The following LGI4 variants were observed in gnomAD, a reference collection of about 807,000 sequenced individuals.
The protein encoded by LGI4 is leucine-rich repeat LGI family member 4.
A neutral mutation model predicts 48.3 loss-of-function variants in LGI4; 36 were observed. That is an observed-to-expected ratio of 0.75 (90% CI 0.57 to 0.98). LGI4 has a LOEUF of 0.98. Ranked by LOEUF, LGI4 falls within the 50% of genes least tolerant of loss-of-function variation. LGI4 has a pLI of 0.00. For synonymous variants in LGI4, 355 were observed against 331.6 expected (o/e 1.07, Z -0.77); for missense variants, 701 against 732.1 (o/e 0.96, Z 0.49).
In LGI4 at chr19:35,132,016, G is replaced by A. The variant is rs1187137003; in HGVS notation, c.341C>T (p.Ser114Phe). The A allele has an allele frequency of 2.5e-6, 4 of 1,585,360 alleles. No individual in the cohort carries two copies. Among genetic ancestry groups the A allele is most frequent in the Admixed American group, 1.8e-5 (1 of 55,688 alleles). ...TCCTCTGAGGGCATTCTTAGAGATG[G>A]AGCCAATCTCATTGTCCTCGATGAA... The part of the protein sequence containing the change: ...YLFIEDNEIG[S>F]ISKNALRGLR... The change falls in exon 4 of 9, where the codon TCC (serine) becomes TTC (phenylalanine). Residue 114 changes from serine to phenylalanine, a missense_variant. Physicochemically the swap from Ser to Phe is radical, Grantham distance 155. Coordinates refer to ENST00000310123, the MANE Select transcript of LGI4 (RefSeq NM_139284.3).
intron 5 of LGI4, 103 bp downstream of exon 5, chr19:35,131,686 C>T (rs2145366965): frequency 7.2e-7 from 1 of 1,395,842 alleles, no homozygotes; most frequent in East Asian, 2.5e-5. Flanking sequence ...GTAAGAACCA[C>T]TGCAGCCAAA....
rs138627919 is a variant in LGI4, at chr19:35,128,438, G to A, written c.629-1421C>T. ...TGCTCAAAACTCTCAGCCGAGAGTGGTGGCTCACGCCTGTAATCCCCACAT... is the reference window on the plus strand; with the variant it reads ...TGCTCAAAACTCTCAGCCGAGAGTGATGGCTCACGCCTGTAATCCCCACAT... On this transcript the variant is annotated intron_variant, in intron 6 of 8. Transcript: ENST00000310123. Among the ~76,000 whole-genome samples the A allele has an allele frequency of 1.3e-3, 197 of 152,346 alleles. 3 individuals are homozygous for A. In the South Asian group the frequency reaches 0.032, roughly 25 times the overall value.
rs969803347 is a variant in LGI4, at chr19:35,125,993, G to C, written c.1299+277C>G. 1.0e-4 allele frequency: 58 copies of C among 563,544 alleles called. No individual in the cohort carries two copies. The African/African-American group carries it at 1.1e-3, about 10-fold the overall frequency. The allele number at this position is 563,544 out of a possible 1,614,324, so 34.9% of individuals were successfully genotyped here. A position where few individuals can be genotyped will look rare whatever the true frequency, so the allele number is the denominator to read the frequency against. The stretch of plus-strand genomic sequence containing the variant: ...GCCTTGGGGGCTCAGTGTCAGGGTG[G>C]GGACAGGTGTGGCTGTGGTGAAGTC... On this transcript the variant is annotated intron_variant, in intron 8 of 8. Transcript: ENST00000310123.
Position 35,133,199 on chromosome 19 carries a change from G to A in LGI4, c.314+494C>T, listed in dbSNP as rs1043866612. 3.5e-5 allele frequency: 9 copies of A among 259,834 alleles called. No homozygotes were observed. The South Asian group carries it at 5.8e-4, about 17-fold the overall frequency. The allele number at this position is 259,834 out of a possible 1,614,324, so 16.1% of individuals were successfully genotyped here. A position where few individuals can be genotyped will look rare whatever the true frequency, so the allele number is the denominator to read the frequency against. On this transcript the variant is annotated intron_variant, in intron 3 of 8. Transcript: ENST00000310123. ...CATCACCACTGCCATTATCATCAAC[G>A]CCATGACCCACACCAATGCCAGCAT...
chr19:35,127,334 A>G (rs1049616606), intron 6 of LGI4, among the ~76,000 whole-genome samples: 1 of 152,070 alleles, frequency 6.6e-6, no homozygotes, highest in African/African-American at 2.4e-5. Context: ...GGTGTGTGCT[A>G]CCATGGCTGG....
chr19:35,133,536 C>G, intron 3 of LGI4, 157 bp downstream of exon 3: 2 of 1,462,920 alleles, frequency 1.4e-6, no homozygotes, highest in Non-Finnish European at 1.8e-6. Flanking sequence ...AAAGCATCAT[C>G]ACCATTGGGT....
rs2065120682 is a variant in LGI4 at position 35,125,013 on chromosome 19, C to T, written c.*180G>A. Reference sequence around the variant, plus strand: ...TCGGGAGGTCCAGTAGGCTGGGACCCTCTATGTCCCCCCATGGGTGCAGAT... The same window carrying T: ...TCGGGAGGTCCAGTAGGCTGGGACCTTCTATGTCCCCCCATGGGTGCAGAT... On this transcript the variant is annotated 3_prime_UTR_variant, in exon 9 of 9. Transcript: ENST00000310123. 2.1e-6 allele frequency: 1 copy of T among 481,516 alleles called. No individual in the cohort carries two copies. The highest frequency in any genetic ancestry group is 1.9e-5 in the African/African-American group (1 of 51,490). The allele number at this position is 481,516 out of a possible 1,614,324, so 29.8% of individuals were successfully genotyped here. A position where few individuals can be genotyped will look rare whatever the true frequency, so the allele number is the denominator to read the frequency against.
chr19:35,124,977 T>C lies in LGI4; in HGVS notation c.*216A>G, dbSNP rs1362715944. The C allele has an allele frequency of 2.1e-5, 9 of 420,816 alleles. No individual in the cohort carries two copies. Among genetic ancestry groups the C allele is most frequent in the Non-Finnish European group, 3.8e-5 (9 of 239,174 alleles). 26.1% of individuals were successfully genotyped at this position (420,816 alleles called of 1,614,324 possible). ...AGATGTCCAGATGTTGCTTTAGACCTGAAGGGCAGCTCGGGAGGTCCAGTA... is the reference window on the plus strand; with the variant it reads ...AGATGTCCAGATGTTGCTTTAGACCCGAAGGGCAGCTCGGGAGGTCCAGTA... On this transcript the variant is annotated 3_prime_UTR_variant, in exon 9 of 9. Transcript: ENST00000310123.
intron 3 of LGI4, chr19:35,133,407 C>G: frequency 7.9e-7 from 1 of 1,264,324 alleles, no homozygotes; most frequent in Non-Finnish European, 1.0e-6. Context: ...TCAGGGAGAG[C>G]CAGAATCAGG....
Position 35,124,635 on chromosome 19 carries a change from C to G in LGI4, c.*558G>C, listed in dbSNP as rs879085339. On this transcript the variant is annotated 3_prime_UTR_variant, in exon 9 of 9. Coordinates refer to ENST00000310123, the MANE Select transcript of LGI4 (RefSeq NM_139284.3). ...GTCCCTCCCTGTGCCCCGGCGCACGCGCAAGAGGCGCAAAAGGCACAGCTT... is the reference window on the plus strand; with the variant it reads ...GTCCCTCCCTGTGCCCCGGCGCACGGGCAAGAGGCGCAAAAGGCACAGCTT... 1 of 152,336 alleles carries G rather than the reference C, an allele frequency of 6.6e-6. No homozygotes were observed. Among genetic ancestry groups the G allele is most frequent in the Non-Finnish European group, 1.5e-5 (1 of 68,104 alleles). The allele number at this position is 152,336 out of a possible 1,614,324, so 9.4% of individuals were successfully genotyped here.
At chr19:35,125,565 A>G (rs1600467582) in intron 8 of LGI4, 58 bp from the exon 9 acceptor site, 1 of 1,405,460 alleles carries the variant, frequency 7.1e-7, no homozygotes, top group East Asian at 2.5e-5. Context: ...GGGCCGTGGA[A>G]CAGCTTGGAA....
At chr19:35,131,287 TCCGGGAAATGG>T (rs2145366153) in intron 6 of LGI4, 88 bp downstream of exon 6, 1 of 1,449,840 alleles carries the variant, frequency 6.9e-7, no homozygotes, top group African/African-American at 1.4e-5. Flanking sequence ...GTCTTCCCAC[TCCGGGAAATGG>T]CAGGGCAGGG....
chr19:35,125,100 G>A lies in LGI4; in HGVS notation c.*93C>T. The stretch of plus-strand genomic sequence containing the variant: ...TGATGAACGTGGCCCACGGTCAGCA[G>A]CTCACAGGCGGGCCATCACCCCAAG... On this transcript the variant is annotated 3_prime_UTR_variant, in exon 9 of 9. Transcript: ENST00000310123. 3.5e-6 allele frequency: 4 copies of A among 1,128,636 alleles called. No individual in the cohort carries two copies. The highest frequency in any genetic ancestry group is 2.5e-5 in the East Asian group (1 of 40,296). The allele number at this position is 1,128,636 out of a possible 1,614,324, so 69.9% of individuals were successfully genotyped here.
In LGI4 at chr19:35,130,500, C is replaced by T. The variant is rs62111364; in HGVS notation, c.628+886G>A. 1.5e-4 allele frequency among the ~76,000 whole-genome samples: 23 copies of T among 152,122 alleles called. No homozygotes were observed. In the East Asian group the frequency reaches 3.3e-3, roughly 22 times the overall value. ...AGAAGTTCAAGACCAGCCTAGGCAA[C>T]GTAGCATCTCCCAGACCCTATCTCT... On this transcript the variant is annotated intron_variant, in intron 6 of 8. Coordinates refer to ENST00000310123, the MANE Select transcript of LGI4 (RefSeq NM_139284.3).
intron 6 of LGI4, among the ~76,000 whole-genome samples, chr19:35,128,165 A>G (rs942885679): frequency 2.0e-5 from 3 of 152,224 alleles, no homozygotes; most frequent in African/African-American, 7.2e-5. Context: ...AGCTCACTCC[A>G]GATCCTTCTA....
In LGI4 at chr19:35,132,060, G is replaced by A. The variant is rs914447313; in HGVS notation, c.315-18C>T. ...CGATGAAGCTGTGGAGGGAAGCTGG[G>A]GTCAGGGGGAGGCCCGCTGAGCTTC... On this transcript the variant is annotated intron_variant, in intron 3 of 8. Coordinates refer to ENST00000310123, the MANE Select transcript of LGI4 (RefSeq NM_139284.3). 8.3e-6 allele frequency: 13 copies of A among 1,563,248 alleles called. No individual in the cohort carries two copies. The highest frequency in any genetic ancestry group is 1.2e-5 in the South Asian group (1 of 84,840).
intron 1 of LGI4, 111 bp downstream of exon 1, chr19:35,134,400 T>C: frequency 8.7e-7 from 1 of 1,146,752 alleles, no homozygotes; most frequent in Non-Finnish European, 1.3e-6. Context: ...GCCCATCTCC[T>C]GAGATCCTGA....
chr19:35,134,548 C>G lies in LGI4; in HGVS notation c.133G>C (p.Asp45His), dbSNP rs759458079. 6.3e-7 allele frequency: 1 copy of G among 1,585,686 alleles called. No individual in the cohort carries two copies. Among genetic ancestry groups the G allele is most frequent in the South Asian group, 1.2e-5 (1 of 86,654 alleles). Residue 45 changes from aspartate (D) to histidine (H), a missense_variant, in exon 1 of 9, where the codon GAC (aspartate) becomes CAC (histidine). Around this residue, in one of 3 missense-constraint regions of LGI4, gnomAD observed 462 missense variants for 436.4 expected, o/e 1.06. Transcript: ENST00000310123. ...GTCGGAGAGAAGCTGACGGGCAGGT[C>G]CGGGGAGCCCTCACACAGGGCGCTG... ...KDSALCEGSP[D>H]LPVSFSPTLL...
chr19:35,130,384 T>G (rs1219241801), intron 6 of LGI4, among the ~76,000 whole-genome samples: 1 of 152,222 alleles, frequency 6.6e-6, no homozygotes, highest in Non-Finnish European at 1.5e-5. Flanking sequence ...GCTGTTGTTA[T>G]TGTATTCATA....
Sources: gnomAD v4.1 joint callset for allele counts (sites outside exome capture counted in the v4.1 genomes callset) on GRCh38, gnomAD v4.1.1 for gene constraint, gnomAD v4.1.1 regional missense constraint, MANE v1.5 for transcripts, NCBI Gene and HGNC (gene_info 2026-07-23, HGNC 2026-07-21) for gene names.